The following STK38 variants were observed in gnomAD, a reference collection of about 807,000 sequenced individuals.
STK38 encodes serine/threonine kinase 38.
STK38 carries 26 observed loss-of-function variants against 59.0 expected under a neutral mutation model. That is an observed-to-expected ratio of 0.44 (90% confidence interval 0.32 to 0.61). The LOEUF is 0.61. Ranked by LOEUF, STK38 falls within the 20% of genes least tolerant of loss-of-function variation. The pLI is 0.04. For synonymous variants in STK38, 175 were observed against 176.6 expected (o/e 0.99, Z 0.07); for missense variants, 433 against 566.0 (o/e 0.76, Z 2.38).
chr6:36,513,713 A>G (rs1777170919), intron 7 of STK38, among the ~76,000 whole-genome samples: 1 of 151,716 alleles, frequency 6.6e-6, no homozygotes, highest in Admixed American at 6.6e-5. Context: ...TGCACATTAT[A>G]ATGAAGAAAA....
Position 36,499,981 on chromosome 6 carries a change from T to G in STK38, c.844A>C (p.Thr282Pro). 1 of 1,613,410 alleles carries G rather than the reference T, an allele frequency of 6.2e-7. No homozygotes were observed. Among genetic ancestry groups the G allele is most frequent in the South Asian group, 1.1e-5 (1 of 91,060 alleles). Residue 282 changes from threonine (T) to proline (P), a missense_variant, in exon 10 of 14, where the codon ACA (threonine) becomes CCA (proline). Coordinates refer to ENST00000229812, the MANE Select transcript of STK38 (RefSeq NM_007271.4). ...GCAATGTAGTCAGGAGTGCCTACTGTGGAGAAGGCCTGAAACATGGACCAC... is the reference window on the plus strand; with the variant it reads ...GCAATGTAGTCAGGAGTGCCTACTGGGGAGAAGGCCTGAAACATGGACCAC... Reference protein sequence around the residue: ...KRNRRQLAFSTVGTPDYIAPE... With the variant: ...KRNRRQLAFSPVGTPDYIAPE...
In STK38 at chr6:36,507,564, T is replaced by C; in HGVS notation, c.708A>G (p.Gly236=). Residue 236 remains glycine (G), a synonymous_variant, in exon 8 of 14, where the codon GGA becomes GGG. Transcript: ENST00000229812. ...VKLSDFGLCT[G]LKKAHRTEFY... Reference sequence around the variant, plus strand: ...ATTCTGTCCTATGTGCTTTTTTCAGTCCTGTGCAAAGACCAAAGTCAGAAA... The same window carrying C: ...ATTCTGTCCTATGTGCTTTTTTCAGCCCTGTGCAAAGACCAAAGTCAGAAA... 6.2e-7 allele frequency: 1 copy of C among 1,614,112 alleles called. No homozygotes were observed. Among genetic ancestry groups the C allele is most frequent in the Non-Finnish European group, 8.5e-7 (1 of 1,180,000 alleles).
intron 2 of STK38, among the ~76,000 whole-genome samples, chr6:36,528,150 T>C (rs553550449): frequency 1.3e-4 from 19 of 151,098 alleles, no homozygotes; most frequent in Non-Finnish European, 2.5e-4. Context: ...AGAAATAGCA[T>C]GTAGTCCATT....
intron 2 of STK38, among the ~76,000 whole-genome samples, chr6:36,533,481 C>A (rs1174453845): frequency 6.6e-6 from 1 of 152,160 alleles, no homozygotes; most frequent in East Asian, 1.9e-4. Context: ...TTTTATATAA[C>A]CCTCACTGCT....
At chr6:36,528,527 G>C (rs941682735) in intron 2 of STK38, among the ~76,000 whole-genome samples, 8 of 152,122 alleles carry the variant, frequency 5.3e-5, no homozygotes, top group Middle Eastern at 3.2e-3. Flanking sequence ...AGGAAACAGA[G>C]AGAGGAACAC....
intron 5 of STK38, among the ~76,000 whole-genome samples, chr6:36,518,051 T>C (rs946450667): frequency 6.6e-6 from 1 of 152,222 alleles, no homozygotes; most frequent in Non-Finnish European, 1.5e-5. Flanking sequence ...ACTTGAGTGA[T>C]GAAAGGCTTT....
intron 7 of STK38, among the ~76,000 whole-genome samples, chr6:36,514,134 G>C (rs1384763220): frequency 7.3e-6 from 1 of 136,610 alleles, no homozygotes; most frequent in Non-Finnish European, 1.5e-5. Context: ...CAGCCTGGGC[G>C]ACAGAGCGAG....
At chr6:36,540,350 GA>G in intron 1 of STK38, 143 bp from the exon 2 acceptor site, 1 of 771,186 alleles carries the variant, frequency 1.3e-6, no homozygotes, top group South Asian at 1.9e-5. Flanking sequence ...GCCAGAGAAA[GA>G]GAATACTTAG....
chr6:36,535,346 G>A (rs997722986), intron 2 of STK38, among the ~76,000 whole-genome samples: 8 of 152,034 alleles, frequency 5.3e-5, no homozygotes, highest in Admixed American at 2.0e-4. Flanking sequence ...CTACTTAGGA[G>A]GCTGGAGCAG....
Position 36,495,930 on chromosome 6 carries a change from ATG to A in STK38, c.1268-18_1268-17del. 1 of 1,611,794 alleles carries A rather than the reference ATG, an allele frequency of 6.2e-7. No homozygotes were observed. Among genetic ancestry groups the A allele is most frequent in the South Asian group, 1.1e-5 (1 of 91,018 alleles). ...CTTGTGGCCACTGGGAAAGAAATAG[ATG>A]TGAGAGTTGATTCACTGCCTTGCCT... On this transcript the variant is annotated splice_polypyrimidine_tract_variant and intron_variant, in intron 13 of 13. Transcript: ENST00000229812.
At chr6:36,522,852 T>G (rs1454035098) in intron 4 of STK38, among the ~76,000 whole-genome samples, 6 of 22,392 alleles carry the variant, frequency 2.7e-4, no homozygotes, top group African/African-American at 1.9e-3. Context: ...CAAGACTCTG[T>G]CTCAAAAAAA....
Position 36,495,625 on chromosome 6 carries a change from T to TAA in STK38, c.*158_*159insTT. 2.3e-6 allele frequency: 2 copies of TAA among 881,554 alleles called. No homozygotes were observed. Among genetic ancestry groups the TAA allele is most frequent in the Non-Finnish European group, 3.3e-6 (2 of 605,338 alleles). 54.6% of individuals were successfully genotyped at this position (881,554 alleles called of 1,614,324 possible). On this transcript the variant is annotated 3_prime_UTR_variant, in exon 14 of 14. Transcript: ENST00000229812. ...CTTTGTTTACAGTTTTTCAGATGCA[T>TAA]TATGGAAGAAAATCCTCTTACTACC... is the stretch of plus-strand genomic sequence containing the variant.
intron 9 of STK38, among the ~76,000 whole-genome samples, chr6:36,502,320 T>A (rs925910830): frequency 1.1e-4 from 17 of 152,162 alleles, no homozygotes; most frequent in African/African-American, 4.1e-4. Flanking sequence ...TTGTTTTAAT[T>A]TGCATTTACT....
At chr6:36,497,323 C>T (rs1776727821) in intron 12 of STK38, among the ~76,000 whole-genome samples, 4 of 152,226 alleles carry the variant, frequency 2.6e-5, no homozygotes, top group Admixed American at 2.6e-4. Context: ...GCTCTCACGG[C>T]TATTGGCCGT....
intron 5 of STK38, among the ~76,000 whole-genome samples, 154 bp from the exon 6 acceptor site, chr6:36,517,994 T>C (rs1226357340): frequency 1.3e-5 from 2 of 152,230 alleles, no homozygotes; most frequent in Non-Finnish European, 2.9e-5. Flanking sequence ...GCAAACCTAC[T>C]AACTCAAAAT....
intron 7 of STK38, among the ~76,000 whole-genome samples, chr6:36,514,017 T>C (rs1278513380): frequency 6.6e-6 from 1 of 151,412 alleles, no homozygotes; most frequent in Non-Finnish European, 1.5e-5. Context: ...TAGCTGGGTG[T>C]GGTGGCGGGC....
chr6:36,546,279 A>C (rs150194062), intron 1 of STK38, among the ~76,000 whole-genome samples: 1 of 152,318 alleles, frequency 6.6e-6, no homozygotes, highest in Non-Finnish European at 1.5e-5. Flanking sequence ...TTTATGTGTG[A>C]TGGGGGATAG....
chr6:36,527,809 C>T (rs1327918773), intron 2 of STK38, among the ~76,000 whole-genome samples: 3 of 151,870 alleles, frequency 2.0e-5, no homozygotes, highest in Non-Finnish European at 4.4e-5. Context: ...GATAAGACTA[C>T]AGTATGCTGG....
intron 9 of STK38, among the ~76,000 whole-genome samples, chr6:36,505,194 G>A (rs1776936322): frequency 6.6e-6 from 1 of 152,178 alleles, no homozygotes. Flanking sequence ...TTCCCCAAGT[G>A]ATTTTGTTGT....
Sources: allele counts gnomAD v4.1 joint callset (sites outside exome capture counted in the v4.1 genomes callset), GRCh38; gene constraint gnomAD v4.1.1; transcripts MANE v1.5; gene names NCBI Gene and HGNC (gene_info 2026-07-23, HGNC 2026-07-21).